ROR1: variants seen among roughly 807,000 people sequenced by gnomAD.
ROR1 encodes the protein ROR family WNT receptor 1.
A neutral mutation model predicts 78.8 loss-of-function variants in ROR1; 19 were observed. That is an observed-to-expected ratio of 0.24 (90% confidence interval 0.17 to 0.35). The LOEUF (loss-of-function observed/expected upper bound fraction) is 0.35. Ranked by LOEUF, ROR1 falls within the 10% of genes least tolerant of loss-of-function variation. ROR1 has a pLI of 1.00. For synonymous variants in ROR1, 386 were observed against 433.6 expected, an observed-to-expected ratio of 0.89 and a Z score of 1.36; for missense variants, 917 against 1,177.8, an observed-to-expected ratio of 0.78 and a Z score of 3.24.
chr1:63,853,448 C>T (rs892665268), intron 1 of ROR1, among the ~76,000 whole-genome samples: 1 of 152,146 alleles, frequency 6.6e-6, no homozygotes, highest in African/African-American at 2.4e-5. Flanking sequence ...CAACATGATG[C>T]TCAAAGGTGC....
intron 1 of ROR1, among the ~76,000 whole-genome samples, chr1:63,805,630 A>G (rs929441636): frequency 1.3e-5 from 2 of 152,174 alleles, no homozygotes; most frequent in African/African-American, 4.8e-5. Flanking sequence ...TAAAGAGTAG[A>G]AGTTTGACAT....
intron 8 of ROR1, among the ~76,000 whole-genome samples, chr1:64,160,399 G>C (rs116004309): frequency 0.01 from 1,557 of 151,642 alleles, 34 homozygotes; most frequent in African/African-American, 0.036. Flanking sequence ...TAAAAATTCA[G>C]TGTATATATT....
chr1:63,785,277 T>C (rs1644677102), intron 1 of ROR1, among the ~76,000 whole-genome samples: 1 of 152,186 alleles, frequency 6.6e-6, no homozygotes, highest in South Asian at 2.1e-4. Flanking sequence ...TGGCTGTTTT[T>C]CTTTTTTCTG....
At chr1:63,851,956 T>C (rs1292423580) in intron 1 of ROR1, among the ~76,000 whole-genome samples, 1 of 152,266 alleles carries the variant, frequency 6.6e-6, no homozygotes, top group East Asian at 1.9e-4. Flanking sequence ...GGTGGTAGAA[T>C]AATTTGAGCT....
intron 1 of ROR1, among the ~76,000 whole-genome samples, chr1:63,971,694 C>A (rs1646120805): frequency 6.6e-6 from 1 of 152,132 alleles, no homozygotes; most frequent in African/African-American, 2.4e-5. Context: ...CCTTCATTGT[C>A]TACAATCTAA....
chr1:63,957,800 T>A (rs1645995874), intron 1 of ROR1, among the ~76,000 whole-genome samples: 1 of 151,248 alleles, frequency 6.6e-6, no homozygotes. Context: ...TGGAGTGCAA[T>A]GGTGCAATCT....
At chr1:64,037,993 A>G (rs1646716610) in intron 2 of ROR1, among the ~76,000 whole-genome samples, 1 of 152,042 alleles carries the variant, frequency 6.6e-6, no homozygotes, top group Admixed American at 6.6e-5. Flanking sequence ...AGAGCTGGAC[A>G]GGTTCACCCC....
chr1:64,075,346 C>A (rs1357139418), intron 4 of ROR1, among the ~76,000 whole-genome samples: 1 of 152,164 alleles, frequency 6.6e-6, no homozygotes, highest in African/African-American at 2.4e-5. Flanking sequence ...CTTTTAGGCC[C>A]ACCAGATCAC....
At chr1:64,112,095 T>G (rs2100675030) in intron 4 of ROR1, 1 of 151,910 alleles carries the variant, frequency 6.6e-6, no homozygotes, top group Middle Eastern at 3.4e-3. Context: ...TCGCGGGGGG[T>G]TGAAGAGGCT....
At chr1:64,159,718 A>C (rs891596791) in intron 8 of ROR1, among the ~76,000 whole-genome samples, 1 of 152,202 alleles carries the variant, frequency 6.6e-6, no homozygotes, top group Non-Finnish European at 1.5e-5. Context: ...CCTAACTTAC[A>C]TCCCTTTTTC....
At chr1:64,039,059 T>C (rs1273931924) in intron 2 of ROR1, among the ~76,000 whole-genome samples, 1 of 152,218 alleles carries the variant, frequency 6.6e-6, no homozygotes, top group African/African-American at 2.4e-5. Flanking sequence ...AACCGCCCCA[T>C]TCATGAGAGA....
At chr1:64,177,254 C>A (rs1650406639) in intron 8 of ROR1, among the ~76,000 whole-genome samples, 174 bp from the exon 9 acceptor site, 1 of 152,228 alleles carries the variant, frequency 6.6e-6, no homozygotes, top group Non-Finnish European at 1.5e-5. Flanking sequence ...GGAAAGTTGT[C>A]TATGGCACCT....
At chr1:63,783,927 C>G (rs649803) in intron 1 of ROR1, among the ~76,000 whole-genome samples, 1 of 152,150 alleles carries the variant, frequency 6.6e-6, no homozygotes, top group African/African-American at 2.4e-5. Context: ...AAGTAAGTAA[C>G]CTGCCCAAGA....
chr1:64,013,613 T>C (rs55689249), intron 2 of ROR1, among the ~76,000 whole-genome samples: 4,490 of 152,208 alleles, frequency 0.029, 256 homozygotes, highest in African/African-American at 0.1. Flanking sequence ...CTAATGGACA[T>C]ACTTCTGAAT....
intron 1 of ROR1, among the ~76,000 whole-genome samples, chr1:63,856,385 A>T (rs1409096442): frequency 6.6e-6 from 1 of 152,200 alleles, no homozygotes; most frequent in Non-Finnish European, 1.5e-5. Context: ...GTGGGGAATC[A>T]TGAGGTTTTC....
At chr1:64,053,505 C>T (rs1435940371) in intron 4 of ROR1, among the ~76,000 whole-genome samples, 1 of 152,150 alleles carries the variant, frequency 6.6e-6, no homozygotes, top group East Asian at 1.9e-4. Context: ...ATTGCTGGGT[C>T]CTGGCTACCC....
At chr1:63,940,131 T>C (rs942011043) in intron 1 of ROR1, among the ~76,000 whole-genome samples, 6 of 152,120 alleles carry the variant, frequency 3.9e-5, no homozygotes, top group Non-Finnish European at 8.8e-5. Flanking sequence ...AGGTTTTTAT[T>C]CATTCAGTCA....
Position 64,179,024 on chromosome 1 carries a change from GAAAAA to G in ROR1, c.*187_*191del, listed in dbSNP as rs10709706. ...ACCAAGCAGGACAGACACTCGGCCA[GAAAAA>G]AAAAAAAAAAAAAAAAACAAGCAAA... is the stretch of plus-strand genomic sequence containing the variant. On this transcript the variant is annotated 3_prime_UTR_variant, in exon 9 of 9. Coordinates refer to ENST00000371079, the MANE Select transcript of ROR1 (RefSeq NM_005012.4). 7.7e-4 allele frequency: 122 copies of G among 157,538 alleles called. No individual in the cohort carries two copies. The highest frequency in any genetic ancestry group is 4.7e-3 in the Middle Eastern group (2 of 426). The allele number at this position is 157,538 out of a possible 1,614,324, so 9.8% of individuals were successfully genotyped here. A position where few individuals can be genotyped will look rare whatever the true frequency, so the allele number is the denominator to read the frequency against.
intron 5 of ROR1, among the ~76,000 whole-genome samples, chr1:64,138,594 G>A (rs565347015): frequency 2.0e-5 from 3 of 150,124 alleles, no homozygotes; most frequent in East Asian, 3.9e-4. Flanking sequence ...CACCCAGGCT[G>A]GAATGCAGTG....
Sources: allele counts gnomAD v4.1 joint callset (sites outside exome capture counted in the v4.1 genomes callset), GRCh38; gene constraint gnomAD v4.1.1; transcripts MANE v1.5; gene names NCBI Gene and HGNC (gene_info 2026-07-23, HGNC 2026-07-21).